Variants in PTPRJ observed in about 807,000 individuals in gnomAD.
PTPRJ encodes receptor-type tyrosine-protein phosphatase eta.
In PTPRJ, 129 loss-of-function variants were observed where a neutral mutation model predicts 141.3. That is an observed-to-expected ratio of 0.91 (90% CI 0.79 to 1.06). The LOEUF (loss-of-function observed/expected upper bound fraction) is 1.06, where lower values mean the gene tolerates loss of function less well. PTPRJ is among the 50% of genes least tolerant of loss of function. The pLI, the probability that PTPRJ is intolerant of heterozygous loss-of-function variation, is 0.00. For missense variants in PTPRJ, 1,601 were observed against 1,679.7 expected (o/e 0.95, Z 0.82); for synonymous variants, 610 against 640.5 (o/e 0.95, Z 0.72).
At chr11:48,044,096 C>T (rs756757082) in intron 1 of PTPRJ, among the ~76,000 whole-genome samples, 3 of 152,206 alleles carry the variant, frequency 2.0e-5, no homozygotes, top group Non-Finnish European at 4.4e-5. Flanking sequence ...GGAGGGACTG[C>T]GCACATGCGA....
At chr11:48,067,419 A>T (rs997138212) in intron 1 of PTPRJ, among the ~76,000 whole-genome samples, 3 of 152,170 alleles carry the variant, frequency 2.0e-5, no homozygotes, top group African/African-American at 4.8e-5. Flanking sequence ...GGACCTGGAG[A>T]TAGGATGTGC....
At chr11:48,064,913 G>A (rs571713860) in intron 1 of PTPRJ, among the ~76,000 whole-genome samples, 2 of 151,442 alleles carry the variant, frequency 1.3e-5, no homozygotes, top group East Asian at 3.9e-4. Context: ...GAGCCACTGC[G>A]CCCGGCTCTG....
At chr11:48,112,234 T>C (rs184026456) in intron 2 of PTPRJ, among the ~76,000 whole-genome samples, 1 of 152,342 alleles carries the variant, frequency 6.6e-6, no homozygotes, top group African/African-American at 2.4e-5. Flanking sequence ...GTTAGTCACA[T>C]GCAACATCTA....
intron 1 of PTPRJ, among the ~76,000 whole-genome samples, chr11:48,018,778 C>T (rs773482106): frequency 5.3e-4 from 80 of 152,180 alleles, no homozygotes; most frequent in Non-Finnish European, 7.8e-4. Flanking sequence ...GAGTAAGTGA[C>T]AGCCCCTTTT....
chr11:48,120,895 A>C, intron 3 of PTPRJ, 108 bp from the exon 4 acceptor site: 1 of 1,041,210 alleles, frequency 9.6e-7, no homozygotes, highest in Non-Finnish European at 1.4e-6. Flanking sequence ...GAGAGATAAA[A>C]CTCTGTGATT....
At chr11:47,986,494 G>A (rs1406328577) in intron 1 of PTPRJ, among the ~76,000 whole-genome samples, 1 of 152,122 alleles carries the variant, frequency 6.6e-6, no homozygotes, top group Non-Finnish European at 1.5e-5. Flanking sequence ...AAGAAATGAG[G>A]CCCCAGATCA....
At chr11:48,001,557 T>G (rs1391038974) in intron 1 of PTPRJ, among the ~76,000 whole-genome samples, 2 of 152,104 alleles carry the variant, frequency 1.3e-5, no homozygotes, top group East Asian at 3.8e-4. Context: ...GGCTGCAAAA[T>G]GTAAGCACAA....
intron 1 of PTPRJ, among the ~76,000 whole-genome samples, chr11:48,057,443 G>T (rs535034235): frequency 1.3e-5 from 2 of 152,294 alleles, no homozygotes; most frequent in South Asian, 4.1e-4. Flanking sequence ...CAGTCTTGGA[G>T]AATGCAGCTT....
chr11:48,144,747 T>G lies in PTPRJ; in HGVS notation c.2648T>G (p.Val883Gly). 1.9e-6 allele frequency: 3 copies of G among 1,614,116 alleles called. No homozygotes were observed. Among genetic ancestry groups the G allele is most frequent in the Non-Finnish European group, 2.5e-6 (3 of 1,179,940 alleles). The part of the protein sequence containing the change: ...DFKKGASDTY[V>G]TYLIRTEEKG... ...AAAAAGGGAGCCTCAGATACTTATG[T>G]GACATACCTCATAAGAACAGAAGAA... The change falls in exon 13 of 25, where the codon GTG becomes GGG. Residue 883 changes from valine (V) to glycine (G), a missense_variant. Val to Gly is a moderately radical substitution (Grantham distance 109). Coordinates refer to ENST00000418331, the MANE Select transcript of PTPRJ (RefSeq NM_002843.4).
chr11:48,092,294 C>CAAAAAAAAAA (rs3971621), intron 1 of PTPRJ, among the ~76,000 whole-genome samples: 3 of 46,958 alleles, frequency 6.4e-5, no homozygotes, highest in African/African-American at 1.5e-4. Context: ...GATTTCATCT[C>CAAAAAAAAAA]AAAAAAAAAA....
intron 1 of PTPRJ, among the ~76,000 whole-genome samples, chr11:48,070,703 T>C (rs989076235): frequency 6.6e-6 from 1 of 152,192 alleles, no homozygotes; most frequent in Non-Finnish European, 1.5e-5. Context: ...CGAGGGGATT[T>C]CTCCATGGGC....
At chr11:47,985,680 ATTT>A in intron 1 of PTPRJ, among the ~76,000 whole-genome samples, 2 of 134,344 alleles carry the variant, frequency 1.5e-5, no homozygotes, top group Non-Finnish European at 3.2e-5. Flanking sequence ...ACATTTATTT[ATTT>A]ATTTATTTAT....
chr11:47,987,223 TAA>T (rs1366948792), intron 1 of PTPRJ, among the ~76,000 whole-genome samples: 1 of 151,720 alleles, frequency 6.6e-6, no homozygotes, highest in Non-Finnish European at 1.5e-5. Flanking sequence ...AGAAAAAAAA[TAA>T]AAAATAATTT....
At chr11:48,121,387 A>T in intron 4 of PTPRJ, 121 bp downstream of exon 4, 1 of 1,090,916 alleles carries the variant, frequency 9.2e-7, no homozygotes, top group Non-Finnish European at 1.3e-6. Context: ...AGAAGAGGAG[A>T]AAAGGTGCTA....
chr11:48,053,682 T>G (rs1854670236), intron 1 of PTPRJ, among the ~76,000 whole-genome samples: 1 of 148,848 alleles, frequency 6.7e-6, no homozygotes, highest in Non-Finnish European at 1.5e-5. Context: ...GTTCAAGCGC[T>G]TCTCCTGCCT....
Position 48,125,154 on chromosome 11 carries a change from A to G in PTPRJ, c.1061A>G (p.Glu354Gly). The change falls in exon 6 of 25, where the codon GAA (glutamate) becomes GGA (glycine). Residue 354 changes from glutamate to glycine, a missense_variant. By Grantham distance (98) the Glu-to-Gly change is moderately conservative. Coordinates refer to ENST00000418331, the MANE Select transcript of PTPRJ (RefSeq NM_002843.4). Reference sequence around the variant, plus strand: ...TATTCCCAAGCAGCGAATGGCACAGAAGGACAGCCCCAGGCCATAGAGTTC... The same window carrying G: ...TATTCCCAAGCAGCGAATGGCACAGGAGGACAGCCCCAGGCCATAGAGTTC... ...TVYSQAANGT[E>G]GQPQAIEFRT... The G allele has an allele frequency of 1.2e-6, 2 of 1,614,144 alleles. No individual in the cohort carries two copies. Among genetic ancestry groups the G allele is most frequent in the Non-Finnish European group, 1.7e-6 (2 of 1,180,026 alleles).
intron 1 of PTPRJ, among the ~76,000 whole-genome samples, chr11:47,982,292 CACAGGGCTGG>C (rs1013513904): frequency 2.0e-5 from 3 of 152,216 alleles, no homozygotes; most frequent in Non-Finnish European, 2.9e-5. Flanking sequence ...AGGGCCGGGC[CACAGGGCTGG>C]ACTTGCTCTT....
chr11:48,059,069 C>T (rs1334546232), intron 1 of PTPRJ, among the ~76,000 whole-genome samples: 1 of 151,392 alleles, frequency 6.6e-6, no homozygotes, highest in African/African-American at 2.4e-5. Context: ...ATAATAGCTC[C>T]TCCCGATCAG....
At chr11:48,101,226 G>A (rs996444710) in intron 1 of PTPRJ, among the ~76,000 whole-genome samples, 2 of 152,206 alleles carry the variant, frequency 1.3e-5, no homozygotes, top group Non-Finnish European at 2.9e-5. Context: ...GTTAGGTCAC[G>A]GGTCCGGGGA....
Sources: gnomAD v4.1 joint callset for allele counts (sites outside exome capture counted in the v4.1 genomes callset) on GRCh38, gnomAD v4.1.1 for gene constraint, MANE v1.5 for transcripts, NCBI Gene and HGNC (gene_info 2026-07-23, HGNC 2026-07-21) for gene names.